CELF2: variants seen among roughly 807,000 people sequenced by gnomAD.
CELF2 encodes CUG triplet repeat RNA-binding protein 2.
Under a neutral mutation model 62.6 loss-of-function variants are expected in CELF2, and 8 were observed. The ratio of observed to expected loss-of-function variants is 0.13; its 90% CI spans 0.07 to 0.23. The LOEUF (loss-of-function observed/expected upper bound fraction) is 0.23, where lower values mean the gene tolerates loss of function less well. CELF2 is among the 10% of genes least tolerant of loss of function. The probability of loss-of-function intolerance (pLI) is 1.00; values close to 1 mark genes in which losing one functional copy is unlikely to be tolerated. For synonymous variants in CELF2, 258 were observed against 250.0 expected (o/e 1.03, Z -0.30); for missense variants, 333 against 671.0 (o/e 0.50, Z 5.56).
chr10:11,015,162 C>T (rs1175129602), upstream of CELF2, among the ~76,000 whole-genome samples: 1 of 152,172 alleles, frequency 6.6e-6, no homozygotes, highest in Non-Finnish European at 1.5e-5. The surrounding 1 kb of genome is among the most constrained non-coding windows in gnomAD (Gnocchi z 4.8). Context: ...TGGCTCGTTA[C>T]TGCATGAAAA....
At chr10:10,842,060 A>G (rs1268829153) in intron 1 of CELF2, among the ~76,000 whole-genome samples, 2 of 152,042 alleles carry the variant, frequency 1.3e-5, no homozygotes, top group African/African-American at 2.4e-5. Context: ...TGCGATTGTA[A>G]ATGGTATTTT....
chr10:10,636,845 G>A, the CELF2 span, among the ~76,000 whole-genome samples: 1 of 152,272 alleles, frequency 6.6e-6, no homozygotes, highest in South Asian at 2.1e-4. Flanking sequence ...CTAGAATTAT[G>A]AGACATTTGC....
rs557631614 is a variant in CELF2, at chr10:11,329,861, TAAA to T, written c.*812_*814del. The T allele has an allele frequency of 2.6e-5, 4 of 152,336 alleles. No homozygotes were observed. Among genetic ancestry groups the T allele is most frequent in the East Asian group, 1.9e-4 (1 of 5,182 alleles). 9.4% of individuals were successfully genotyped at this position (152,336 alleles called of 1,614,324 possible). On this transcript the variant is annotated 3_prime_UTR_variant, in exon 13 of 13. Transcript: ENST00000633077. The surrounding 1 kb of genome is among the most constrained non-coding windows in gnomAD (Gnocchi z 5.5). ...ATAAATAAATACATAAATACATAAA[TAAA>T]AAAGAAAGCCACAGGCCTGTAAATT...
chr10:10,490,244 C>T, the CELF2 span, among the ~76,000 whole-genome samples: 2 of 152,038 alleles, frequency 1.3e-5, no homozygotes, highest in South Asian at 2.1e-4. Context: ...TCCTATTATT[C>T]GAAGAGATAG....
chr10:10,635,591 A>T, the CELF2 span, among the ~76,000 whole-genome samples: 2 of 152,192 alleles, frequency 1.3e-5, no homozygotes, highest in African/African-American at 2.4e-5. Context: ...TTTAAAAAAT[A>T]TGTGTAGAAA....
chr10:10,911,527 T>C (rs2063808289), intron 1 of CELF2, among the ~76,000 whole-genome samples: 1 of 152,168 alleles, frequency 6.6e-6, no homozygotes, highest in Non-Finnish European at 1.5e-5. Context: ...CTGCCTCCTA[T>C]CAGATGGAAG....
At chr10:11,155,405 T>G (rs188319986) in intron 1 of CELF2, among the ~76,000 whole-genome samples, 1 of 152,254 alleles carries the variant, frequency 6.6e-6, no homozygotes, top group Admixed American at 6.5e-5. Context: ...GAGCCTCCCT[T>G]TTGTTTGCTC....
the CELF2 span, among the ~76,000 whole-genome samples, chr10:10,512,668 G>C: frequency 0.52 from 78,800 of 151,880 alleles, 21,932 homozygotes; most frequent in East Asian, 0.89. Flanking sequence ...GCCCACCTCA[G>C]CTTCCCAAAG....
At chr10:10,806,150 C>T (rs2055201195) in intron 1 of CELF2, among the ~76,000 whole-genome samples, 2 of 151,350 alleles carry the variant, frequency 1.3e-5, no homozygotes, top group African/African-American at 2.4e-5. Flanking sequence ...TTAATGTCAC[C>T]ACGAAGGGTA....
chr10:10,618,901 T>C, the CELF2 span, among the ~76,000 whole-genome samples: 4 of 152,160 alleles, frequency 2.6e-5, no homozygotes, highest in Non-Finnish European at 5.9e-5. Flanking sequence ...AGATAGCATC[T>C]GATTTACACA....
At position 11,311,440 on chromosome 10, in the gene CELF2, C is replaced by CA. The variant is rs372576551; in HGVS notation, c.977-2691dup. ...GTTCCAAGATATTTAAGCTCACAAC[C>CA]AAAAAAAACCCCACAAAATATACAA... is the stretch of plus-strand genomic sequence containing the variant. On this transcript the variant is annotated intron_variant, in intron 9 of 12. Coordinates refer to ENST00000633077, the MANE Select transcript of CELF2 (RefSeq NM_001326342.2). The surrounding 1 kb of genome is among the most constrained non-coding windows in gnomAD (Gnocchi z 4.7). Among the ~76,000 whole-genome samples the CA allele has an allele frequency of 3.4e-4, 51 of 151,420 alleles. No individual in the cohort carries two copies. Among genetic ancestry groups the CA allele is most frequent in the African/African-American group, 1.0e-3 (42 of 41,272 alleles).
At chr10:10,566,419 A>ATTTTTTTTTTTTTTTTTT in the CELF2 span, among the ~76,000 whole-genome samples, 1 of 136,490 alleles carries the variant, frequency 7.3e-6, no homozygotes, top group Non-Finnish European at 1.6e-5. Flanking sequence ...TTTTTTTTTA[A>ATTTTTTTTTTTTTTTTTT]TTTTTTTTTT....
chr10:11,158,745 C>T (rs1278974434), intron 1 of CELF2, among the ~76,000 whole-genome samples: 2 of 152,224 alleles, frequency 1.3e-5, no homozygotes, highest in East Asian at 3.9e-4. Context: ...TAGTTCTCTA[C>T]GAATTTTGGA....
the CELF2 span, among the ~76,000 whole-genome samples, chr10:10,613,618 G>T: frequency 6.6e-6 from 1 of 152,110 alleles, no homozygotes; most frequent in East Asian, 1.9e-4. Context: ...TTCCCCCTTC[G>T]TTACAATTAA....
chr10:10,927,080 C>G (rs2065552016), intron 2 of CELF2: 1 of 152,070 alleles, frequency 6.6e-6, no homozygotes, highest in East Asian at 1.9e-4. Context: ...CTGGGCATTG[C>G]TCCATTCCCC....
chr10:10,492,586 T>C, the CELF2 span, among the ~76,000 whole-genome samples: 2 of 152,036 alleles, frequency 1.3e-5, no homozygotes, highest in African/African-American at 2.4e-5. Flanking sequence ...GCCAAAGGAA[T>C]TGAAAGCAAG....
the CELF2 span, among the ~76,000 whole-genome samples, chr10:10,789,318 A>G: frequency 6.6e-6 from 1 of 152,166 alleles, no homozygotes; most frequent in African/African-American, 2.4e-5. Flanking sequence ...TCATTCCACC[A>G]AAACATGTTT....
At position 11,234,859 on chromosome 10, in the gene CELF2, T is replaced by C. The variant is rs2070521632; in HGVS notation, c.355-14294T>C. Among the ~76,000 whole-genome samples the C allele has an allele frequency of 2.6e-5, 4 of 151,964 alleles. No individual in the cohort carries two copies. In the South Asian group the frequency reaches 8.3e-4, roughly 32 times the overall value. Reference sequence around the variant, plus strand: ...GCCCTGCAGAGTTAAAAAGGCACTTTTTACTCTAATTATAATCCTTAACTG... The same window carrying C: ...GCCCTGCAGAGTTAAAAAGGCACTTCTTACTCTAATTATAATCCTTAACTG... On this transcript the variant is annotated intron_variant, in intron 3 of 12. Coordinates refer to ENST00000633077, the MANE Select transcript of CELF2 (RefSeq NM_001326342.2).
intron 3 of CELF2, among the ~76,000 whole-genome samples, chr10:11,228,936 G>A (rs777731822): frequency 2.0e-5 from 3 of 152,158 alleles, no homozygotes; most frequent in Non-Finnish European, 2.9e-5. Flanking sequence ...GTCGGTTCTG[G>A]TTTCTTTGAA....
Sources: allele counts gnomAD v4.1 joint callset (sites outside exome capture counted in the v4.1 genomes callset), GRCh38; gene constraint gnomAD v4.1.1; non-coding constraint Gnocchi (gnomAD v3.1); transcripts MANE v1.5; gene names NCBI Gene and HGNC (gene_info 2026-07-23, HGNC 2026-07-21).